EGFLAM: variants seen among roughly 807,000 people sequenced by gnomAD.
EGFLAM encodes EGF like, fibronectin type III and laminin G domains, also known as pikachurin.
Under a neutral mutation model 113.1 loss-of-function variants are expected in EGFLAM, and 79 were observed. That is an observed-to-expected ratio of 0.70 (90% CI 0.58 to 0.84). EGFLAM has a LOEUF of 0.84. Ranked by LOEUF, EGFLAM falls within the 40% of genes least tolerant of loss-of-function variation. The pLI is 0.00. For missense variants in EGFLAM, 1,265 were observed against 1,291.6 expected, an observed-to-expected ratio of 0.98 and a Z score of 0.32; for synonymous variants, 504 against 487.6, an observed-to-expected ratio of 1.03 and a Z score of -0.44.
In EGFLAM at chr5:38,368,738, G is replaced by A. The variant is rs543986670; in HGVS notation, c.546-1558G>A. 1.5e-3 allele frequency among the ~76,000 whole-genome samples: 230 copies of A among 152,146 alleles called. 1 individual carries two copies. Among genetic ancestry groups the A allele is most frequent in the Non-Finnish European group, 2.1e-3 (145 of 68,012 alleles). ...CACCGTCACTCCCCCTTTTCATCCA[G>A]TATTAAGGGTCTTGTAAATCTAACC... On this transcript the variant is annotated intron_variant, in intron 5 of 21. Coordinates refer to ENST00000322350, the MANE Select transcript of EGFLAM (RefSeq NM_152403.4).
chr5:38,359,448 G>T (rs1408597093), intron 5 of EGFLAM, among the ~76,000 whole-genome samples: 1 of 152,138 alleles, frequency 6.6e-6, no homozygotes, highest in African/African-American at 2.4e-5. Context: ...TCCCAAAGAG[G>T]CAGATAACTT....
Position 38,407,959 on chromosome 5 carries a change from T to C in EGFLAM, c.1248+54T>C, listed in dbSNP as rs1474101447. On this transcript the variant is annotated intron_variant, in intron 9 of 21. Transcript: ENST00000322350. The stretch of plus-strand genomic sequence containing the variant: ...CTTTTTGGACACTTTAACACAGCAA[T>C]GTGCTACATTCAAAGGCTGGGGGAG... The C allele has an allele frequency of 2.9e-6, 4 of 1,373,848 alleles. No individual in the cohort carries two copies. In the African/African-American group the frequency reaches 5.7e-5, roughly 20 times the overall value. 85.1% of individuals were successfully genotyped at this position (1,373,848 alleles called of 1,614,324 possible). A position where few individuals can be genotyped will look rare whatever the true frequency, so the allele number is the denominator to read the frequency against.
chr5:38,272,569 T>C (rs953536169), intron 1 of EGFLAM, among the ~76,000 whole-genome samples: 7 of 152,246 alleles, frequency 4.6e-5, no homozygotes, highest in African/African-American at 1.7e-4. Context: ...CCTGGCTTGC[T>C]TATGAAGATC....
At chr5:38,258,895 C>T (rs1284797151) in intron 1 of EGFLAM, 44 bp downstream of exon 1, 1 of 1,577,934 alleles carries the variant, frequency 6.3e-7, no homozygotes, top group Non-Finnish European at 8.6e-7. Context: ...CCGAGCGCCC[C>T]TGCTGGGCTC....
intron 16 of EGFLAM, among the ~76,000 whole-genome samples, chr5:38,436,733 G>A (rs1263034007): frequency 2.0e-5 from 3 of 152,188 alleles, no homozygotes; most frequent in Non-Finnish European, 4.4e-5. Context: ...TCACGGGCTG[G>A]GCCATGTCCT....
rs191620071 is a variant in EGFLAM at position 38,391,901 on chromosome 5, C to T, written c.713-14225C>T. On this transcript the variant is annotated intron_variant, in intron 6 of 21. Coordinates refer to ENST00000322350, the MANE Select transcript of EGFLAM (RefSeq NM_152403.4). ...AAGTGATTCTTGTCCCTCAGCCTCC[C>T]GAGTAGCTGGGATTACAGGCGCCCA... Among the ~76,000 whole-genome samples the T allele has an allele frequency of 4.3e-3, 648 of 152,086 alleles. 6 individuals carry two copies. Among genetic ancestry groups the T allele is most frequent in the African/African-American group, 0.014 (587 of 41,486 alleles).
intron 14 of EGFLAM, among the ~76,000 whole-genome samples, chr5:38,429,222 C>A (rs1428246113): frequency 6.6e-6 from 1 of 152,204 alleles, no homozygotes; most frequent in Non-Finnish European, 1.5e-5. Context: ...AGGAAGGTGG[C>A]ATATTGACAG....
At chr5:38,373,494 TGTAA>T (rs1302950914) in intron 6 of EGFLAM, among the ~76,000 whole-genome samples, 2 of 152,212 alleles carry the variant, frequency 1.3e-5, no homozygotes, top group Admixed American at 1.3e-4. Context: ...AGTTCCCACT[TGTAA>T]GTGAGAGCAT....
At chr5:38,295,379 G>C (rs773132470) in intron 1 of EGFLAM, among the ~76,000 whole-genome samples, 1 of 152,176 alleles carries the variant, frequency 6.6e-6, no homozygotes, top group African/African-American at 2.4e-5. Flanking sequence ...GAGAGAGGTC[G>C]TTTGAATAAA....
At chr5:38,301,449 T>G (rs756600172) in intron 1 of EGFLAM, among the ~76,000 whole-genome samples, 2 of 152,036 alleles carry the variant, frequency 1.3e-5, no homozygotes, top group Non-Finnish European at 2.9e-5. Flanking sequence ...GAAAACTGAC[T>G]GAGGGGAGTT....
Position 38,352,220 on chromosome 5 carries a change from C to T in EGFLAM, c.434C>T (p.Pro145Leu). The change falls in exon 5 of 22, where the codon CCC becomes CTC. Residue 145 changes from proline (P) to leucine (L), a missense_variant. Transcript: ENST00000322350. ...SQDSCLPPAA[P>L]QQPHVIVVSD... Reference sequence around the variant, plus strand: ...GATTCCTGCCTGCCTCCTGCAGCTCCCCAGCAGCCACATGTCATTGTGGTT... The same window carrying T: ...GATTCCTGCCTGCCTCCTGCAGCTCTCCAGCAGCCACATGTCATTGTGGTT... The T allele has an allele frequency of 6.2e-7, 1 of 1,614,112 alleles. No homozygotes were observed. Among genetic ancestry groups the T allele is most frequent in the Non-Finnish European group, 8.5e-7 (1 of 1,180,000 alleles).
chr5:38,412,764 C>A, intron 11 of EGFLAM, 116 bp downstream of exon 11: 1 of 1,419,858 alleles, frequency 7.0e-7, no homozygotes, highest in Non-Finnish European at 9.3e-7. Context: ...TCTGGATGGG[C>A]TTGGTAAGGC....
chr5:38,258,918 A>G (rs1757426273), intron 1 of EGFLAM, 67 bp downstream of exon 1: 4 of 1,507,032 alleles, frequency 2.7e-6, no homozygotes, highest in African/African-American at 2.8e-5. Flanking sequence ...GGGCGAGGAC[A>G]CAGAGCGGGC....
chr5:38,451,365 A>C lies in EGFLAM; in HGVS notation c.2594A>C (p.Lys865Thr). ...NVFMRFKTTA[K>T]DGLLLWRGDS... ...TTCATGAGGTTTAAAACAACTGCCA[A>C]GGATGGCCTTTTGCTGTGGAGGGGA... Residue 865 changes from lysine to threonine, a missense_variant, in exon 19 of 22, where the codon AAG (lysine) becomes ACG (threonine). Physicochemically the swap from Lys to Thr is moderately conservative, Grantham distance 78. Transcript: ENST00000322350. 6.2e-7 allele frequency: 1 copy of C among 1,614,228 alleles called. No individual in the cohort carries two copies. The highest frequency in any genetic ancestry group is 2.2e-5 in the East Asian group (1 of 44,876).
intron 5 of EGFLAM, 35 bp downstream of exon 5, chr5:38,352,366 G>T (rs1290744851): frequency 6.2e-7 from 1 of 1,610,524 alleles, no homozygotes; most frequent in African/African-American, 1.3e-5. Flanking sequence ...AGCCAAATGT[G>T]TGCTGGGCGC....
chr5:38,328,976 G>A (rs1051980919), intron 1 of EGFLAM, among the ~76,000 whole-genome samples: 1 of 151,908 alleles, frequency 6.6e-6, no homozygotes, highest in Non-Finnish European at 1.5e-5. Context: ...TTTAAGCTTA[G>A]AAAGGTTCTT....
intron 1 of EGFLAM, among the ~76,000 whole-genome samples, chr5:38,265,773 G>C (rs1197741840): frequency 6.6e-6 from 1 of 152,192 alleles, no homozygotes; most frequent in Non-Finnish European, 1.5e-5. Flanking sequence ...GCTCTGCGCG[G>C]GTCTCCGCCC....
intron 1 of EGFLAM, among the ~76,000 whole-genome samples, chr5:38,297,286 C>G (rs985569515): frequency 5.3e-5 from 8 of 152,070 alleles, no homozygotes; most frequent in African/African-American, 9.7e-5. Flanking sequence ...TAAGTATAAA[C>G]TTATTTCAAA....
At chr5:38,293,591 AC>A (rs1265422235) in intron 1 of EGFLAM, among the ~76,000 whole-genome samples, 1 of 152,180 alleles carries the variant, frequency 6.6e-6, no homozygotes, top group African/African-American at 2.4e-5. Context: ...GTTTTCCTTT[AC>A]TAGTTCCCCA....
Sources: allele counts gnomAD v4.1 joint callset (sites outside exome capture counted in the v4.1 genomes callset), GRCh38; gene constraint gnomAD v4.1.1; transcripts MANE v1.5; gene names NCBI Gene and HGNC (gene_info 2026-07-23, HGNC 2026-07-21).